Variants in TRPS1 observed in about 807,000 individuals in gnomAD.
The protein encoded by TRPS1 is transcriptional repressor GATA binding 1.
Under a neutral mutation model 101.2 loss-of-function variants are expected in TRPS1, and 6 were observed. The ratio of observed to expected loss-of-function variants is 0.06; its 90% confidence interval spans 0.03 to 0.12. TRPS1 has a LOEUF of 0.12. Ranked by LOEUF, TRPS1 falls within the 10% of genes least tolerant of loss-of-function variation. The pLI is 1.00. For synonymous variants in TRPS1, 578 were observed against 589.8 expected (o/e 0.98, Z 0.29); for missense variants, 1,363 against 1,567.0 (o/e 0.87, Z 2.20).
intron 5 of TRPS1, among the ~76,000 whole-genome samples, chr8:115,527,079 G>A (rs1051127030): frequency 2.0e-5 from 3 of 151,980 alleles, no homozygotes; most frequent in Admixed American, 6.6e-5. Context: ...GGGATATCAC[G>A]TTTCCTCATA....
chr8:115,623,382 A>G (rs1485491861), intron 2 of TRPS1, among the ~76,000 whole-genome samples: 3 of 152,038 alleles, frequency 2.0e-5, no homozygotes, highest in Non-Finnish European at 4.4e-5. Flanking sequence ...GAATTATATC[A>G]TCGTAATTTT....
At chr8:115,540,275 A>C (rs1816420512) in intron 5 of TRPS1, among the ~76,000 whole-genome samples, 2 of 152,232 alleles carry the variant, frequency 1.3e-5, no homozygotes, top group African/African-American at 4.8e-5. Context: ...ATAATTAATA[A>C]GAAAATGTAG....
chr8:115,627,151 C>A (rs960302085), intron 1 of TRPS1, among the ~76,000 whole-genome samples: 1 of 151,544 alleles, frequency 6.6e-6, no homozygotes. Context: ...GCAAGAATAC[C>A]TCATGGAGCC....
intron 5 of TRPS1, among the ~76,000 whole-genome samples, chr8:115,583,388 C>T (rs1817494621): frequency 6.6e-6 from 1 of 151,610 alleles, no homozygotes; most frequent in African/African-American, 2.4e-5. Flanking sequence ...TTTACTTATA[C>T]TGTTGGTACA....
intron 5 of TRPS1, among the ~76,000 whole-genome samples, chr8:115,492,508 T>C (rs1448251704): frequency 6.6e-6 from 1 of 151,774 alleles, no homozygotes; most frequent in Non-Finnish European, 1.5e-5. Context: ...CGTGTGTGTG[T>C]GTATGGGTTT....
At chr8:115,420,916 A>G (rs1451213089) in intron 5 of TRPS1, among the ~76,000 whole-genome samples, 2 of 152,174 alleles carry the variant, frequency 1.3e-5, no homozygotes, top group East Asian at 3.9e-4. Context: ...TGCCAGGTAC[A>G]ACACTGGGCA....
chr8:115,455,473 T>C (rs914700652), intron 5 of TRPS1, among the ~76,000 whole-genome samples: 1 of 152,224 alleles, frequency 6.6e-6, no homozygotes, highest in Non-Finnish European at 1.5e-5. Context: ...ATGAAACTGC[T>C]AGGGGAGAAG....
chr8:115,480,726 A>G (rs745318751), intron 5 of TRPS1, among the ~76,000 whole-genome samples: 2 of 152,084 alleles, frequency 1.3e-5, no homozygotes, highest in Non-Finnish European at 2.9e-5. Context: ...ACAAGTTTTA[A>G]AATAGAAAGC....
chr8:115,580,444 A>G (rs1322361899), intron 5 of TRPS1, among the ~76,000 whole-genome samples: 1 of 151,966 alleles, frequency 6.6e-6, no homozygotes, highest in Non-Finnish European at 1.5e-5. Flanking sequence ...TCATTTTTGA[A>G]TCATTCTGGC....
intron 5 of TRPS1, among the ~76,000 whole-genome samples, chr8:115,432,159 T>A (rs1199118217): frequency 1.3e-5 from 2 of 151,746 alleles, no homozygotes; most frequent in African/African-American, 4.8e-5. Flanking sequence ...CTTAGATAAT[T>A]TTTTCTGTAA....
chr8:115,541,640 TA>T (rs1399277872), intron 5 of TRPS1, among the ~76,000 whole-genome samples: 36 of 152,182 alleles, frequency 2.4e-4, no homozygotes, highest in Admixed American at 2.4e-3. Flanking sequence ...ATCCAAAAAC[TA>T]ATCTTTATTA....
chr8:115,490,586 C>T (rs1000533870), intron 5 of TRPS1, among the ~76,000 whole-genome samples: 4 of 152,068 alleles, frequency 2.6e-5, no homozygotes, highest in East Asian at 1.9e-4. Context: ...CAATACATTT[C>T]GATCTTTTAT....
chr8:115,477,290 T>C (rs1814630702), intron 5 of TRPS1, among the ~76,000 whole-genome samples: 1 of 152,206 alleles, frequency 6.6e-6, no homozygotes, highest in Non-Finnish European at 1.5e-5. Flanking sequence ...ATAAGAAATG[T>C]ATTTTTTCAG....
chr8:115,430,315 G>T (rs541451184), intron 5 of TRPS1, among the ~76,000 whole-genome samples: 1 of 152,256 alleles, frequency 6.6e-6, no homozygotes, highest in South Asian at 2.1e-4. Context: ...GGGAAAGGAG[G>T]CTCTTGAAGA....
At chr8:115,480,100 A>C (rs1814714161) in intron 5 of TRPS1, among the ~76,000 whole-genome samples, 1 of 152,098 alleles carries the variant, frequency 6.6e-6, no homozygotes, top group Non-Finnish European at 1.5e-5. Context: ...GTGTTCAGGG[A>C]TTTTCTTCTG....
chr8:115,558,265 T>C (rs1488089522), intron 5 of TRPS1, among the ~76,000 whole-genome samples: 1 of 152,298 alleles, frequency 6.6e-6, no homozygotes, highest in East Asian at 1.9e-4. Context: ...AAGATAGTTG[T>C]AATTTACTGT....
At chr8:115,591,109 G>C (rs1023079848) in intron 4 of TRPS1, among the ~76,000 whole-genome samples, 2 of 152,098 alleles carry the variant, frequency 1.3e-5, no homozygotes, top group African/African-American at 4.8e-5. Context: ...GCCTTTTACT[G>C]CTTAATTGTC....
intron 5 of TRPS1, among the ~76,000 whole-genome samples, chr8:115,541,403 T>C (rs776301206): frequency 6.6e-6 from 1 of 152,194 alleles, no homozygotes; most frequent in Admixed American, 6.5e-5. Flanking sequence ...AAACTATAGC[T>C]ATTCTTTATT....
At chr8:115,649,432 C>T (rs956202900) in intron 1 of TRPS1, among the ~76,000 whole-genome samples, 2 of 152,126 alleles carry the variant, frequency 1.3e-5, no homozygotes, top group Admixed American at 6.5e-5. Context: ...CTGTTGTAGC[C>T]TAGGCAATTT....
Sources: gnomAD v4.1 joint callset for allele counts (sites outside exome capture counted in the v4.1 genomes callset) on GRCh38, gnomAD v4.1.1 for gene constraint, MANE v1.5 for transcripts, NCBI Gene and HGNC (gene_info 2026-07-23, HGNC 2026-07-21) for gene names.